THADA: variants seen among roughly 807,000 people sequenced by gnomAD.
THADA encodes THADA armadillo repeat containing, also known as tRNA (32-2'-O)-methyltransferase regulator THADA.
Under a neutral mutation model 219.8 loss-of-function variants are expected in THADA, and 213 were observed. The ratio of observed to expected loss-of-function variants is 0.97; its 90% CI spans 0.87 to 1.09. The LOEUF is 1.09. THADA is among the 50% of genes least tolerant of loss of function. The pLI, the probability that THADA is intolerant of heterozygous loss-of-function variation, is 0.00. For synonymous variants in THADA, 1,018 were observed against 828.9 expected, an observed-to-expected ratio of 1.23 and a Z score of -3.92; for missense variants, 2,956 against 2,311.3, an observed-to-expected ratio of 1.28 and a Z score of -5.72.
intron 21 of THADA, among the ~76,000 whole-genome samples, chr2:43,535,690 A>AG (rs1694496517): frequency 1.3e-5 from 2 of 151,442 alleles, no homozygotes; most frequent in African/African-American, 2.4e-5. Context: ...AAAAAAAAAA[A>AG]AAAAAAAAAA....
In THADA at chr2:43,560,468, A is replaced by C. The variant is rs1191501125; in HGVS notation, c.2312-83T>G. The C allele has an allele frequency of 5.7e-6, 6 of 1,047,708 alleles. No individual in the cohort carries two copies. The African/African-American group carries it at 6.6e-5, about 11-fold the overall frequency. The allele number at this position is 1,047,708 out of a possible 1,614,324, so 64.9% of individuals were successfully genotyped here. ...TGAAGTTATTTGACCAAATTTATAG[A>C]AAATAAGTACCAAAAAACCACACTT... On this transcript the variant is annotated intron_variant, in intron 15 of 37. Coordinates refer to ENST00000405975, the MANE Select transcript of THADA (RefSeq NM_022065.5).
chr2:43,293,168 G>A lies in THADA; in HGVS notation c.4484C>T (p.Ser1495Leu), dbSNP rs745407637. The change falls in exon 32 of 38, where the codon TCA becomes TTA. Residue 1495 changes from serine to leucine, a missense_variant. Ser to Leu is a moderately radical substitution (Grantham distance 145, BLOSUM62 -2). Transcript: ENST00000405975. ...GAATCCCGTTATCAGCTCTGATCCT[G>A]AGATAATCCCTCTGACTTCCTCCCA... The part of the protein sequence containing the change: ...GFWEEVRGII[S>L]GSELITGFPW... 5.0e-6 allele frequency: 8 copies of A among 1,613,692 alleles called. No homozygotes were observed. In the Admixed American group the frequency reaches 1.3e-4, roughly 27 times the overall value.
At chr2:43,552,626 G>A (rs563357367) in intron 17 of THADA, among the ~76,000 whole-genome samples, 21 of 152,066 alleles carry the variant, frequency 1.4e-4, no homozygotes, top group Non-Finnish European at 2.5e-4. Flanking sequence ...TGTGGCATGT[G>A]CTAATTGGAC....
chr2:43,376,185 T>A (rs1032179521), intron 29 of THADA, among the ~76,000 whole-genome samples: 5 of 152,234 alleles, frequency 3.3e-5, no homozygotes, highest in African/African-American at 1.2e-4. Context: ...TGTACATGGC[T>A]TCCCCTGTCT....
rs184648126 is a variant in THADA at position 43,556,107 on chromosome 2, G to C, written c.2674+238C>G. 23 of 930,836 alleles carry C rather than the reference G, an allele frequency of 2.5e-5. No homozygotes were observed. The East Asian group carries it at 9.7e-4, about 39-fold the overall frequency. The allele number at this position is 930,836 out of a possible 1,614,324, so 57.7% of individuals were successfully genotyped here. ...GAAAGAGGTCATTCTCATTTCAAAA[G>C]AGCTTTATTAATAAATATTTGTATA... On this transcript the variant is annotated intron_variant, in intron 17 of 37. Coordinates refer to ENST00000405975, the MANE Select transcript of THADA (RefSeq NM_022065.5).
chr2:43,264,966 C>A (rs1414776514), intron 36 of THADA, among the ~76,000 whole-genome samples: 1 of 152,226 alleles, frequency 6.6e-6, no homozygotes, highest in African/African-American at 2.4e-5. Context: ...GATGGAAGGG[C>A]GATGGGGACC....
chr2:43,476,333 G>A (rs1685544199), intron 26 of THADA, among the ~76,000 whole-genome samples: 1 of 152,200 alleles, frequency 6.6e-6, no homozygotes, highest in Non-Finnish European at 1.5e-5. Context: ...TGGAACTGAA[G>A]CCATCTTGCA....
chr2:43,248,765 C>A (rs1459318144), intron 36 of THADA, among the ~76,000 whole-genome samples: 2 of 152,158 alleles, frequency 1.3e-5, no homozygotes, highest in East Asian at 1.9e-4. Context: ...TTAGCCCTCA[C>A]TCAGAAGGAG....
At chr2:43,486,978 C>G (rs978228857) in intron 25 of THADA, among the ~76,000 whole-genome samples, 1 of 152,166 alleles carries the variant, frequency 6.6e-6, no homozygotes, top group African/African-American at 2.4e-5. Context: ...TAGAAGTGAA[C>G]TTTACAGATA....
chr2:43,546,327 T>C (rs1050760063), intron 20 of THADA, among the ~76,000 whole-genome samples: 1 of 152,156 alleles, frequency 6.6e-6, no homozygotes, highest in Non-Finnish European at 1.5e-5. Context: ...GGTGTGGTGC[T>C]GAAAAAAATG....
Position 43,232,186 on chromosome 2 carries a change from C to CT in THADA, c.5466+526dup, listed in dbSNP as rs1229853936. Among the ~76,000 whole-genome samples the CT allele has an allele frequency of 5.1e-3, 753 of 146,764 alleles. 5 individuals carry two copies. The highest frequency in any genetic ancestry group is 0.015 in the African/African-American group (612 of 40,140). On this transcript the variant is annotated intron_variant, in intron 37 of 37. Transcript: ENST00000405975. The stretch of plus-strand genomic sequence containing the variant: ...TTCTTTTTTTCTTTTCTTTTCTTTT[C>CT]TTTTTTTTTTGAGATGGAGTCTTGC...
chr2:43,577,983 G>A (rs1474353212), intron 9 of THADA, among the ~76,000 whole-genome samples: 32 of 152,036 alleles, frequency 2.1e-4, no homozygotes, highest in Admixed American at 2.0e-4. Flanking sequence ...AATGTTTATA[G>A]TGATTATCTT....
rs578202729 is a variant in THADA, at chr2:43,544,810, G to C, written c.3107-3494C>G. Among the ~76,000 whole-genome samples, 1,429 of 151,528 alleles carry C rather than the reference G, an allele frequency of 9.4e-3. 23 individuals carry two copies. Among genetic ancestry groups the C allele is most frequent in the African/African-American group, 0.033 (1,364 of 41,164 alleles). On this transcript the variant is annotated intron_variant, in intron 20 of 37. Transcript: ENST00000405975. ...TGGGGTTTTCTAGATATACAATCAT[G>C]TCATCTGCAAACAGGGACAATTTGA...
At chr2:43,280,601 T>C (rs1428840463) in intron 35 of THADA, among the ~76,000 whole-genome samples, 2 of 152,088 alleles carry the variant, frequency 1.3e-5, no homozygotes, top group Non-Finnish European at 2.9e-5. Context: ...CACTGCACTC[T>C]AGCCTGGCGA....
At chr2:43,540,170 G>A (rs778462854) in intron 21 of THADA, among the ~76,000 whole-genome samples, 31 of 152,226 alleles carry the variant, frequency 2.0e-4, no homozygotes, top group Non-Finnish European at 3.4e-4. Context: ...ACTACAGCCA[G>A]TCACCAGCAA....
chr2:43,551,644 C>T (rs1696757305), intron 19 of THADA, 145 bp downstream of exon 19: 2 of 675,970 alleles, frequency 3.0e-6, no homozygotes, highest in Non-Finnish European at 4.2e-6. Flanking sequence ...TGCTAAAAGG[C>T]AGAAATACCA....
intron 12 of THADA, among the ~76,000 whole-genome samples, chr2:43,572,128 T>TC (rs1699368477): frequency 6.6e-6 from 1 of 152,212 alleles, no homozygotes; most frequent in African/African-American, 2.4e-5. Flanking sequence ...CATTCCTTTT[T>TC]CTTTTTTTCC....
intron 36 of THADA, among the ~76,000 whole-genome samples, chr2:43,268,716 C>G (rs544967080): frequency 6.6e-6 from 1 of 152,208 alleles, no homozygotes; most frequent in Admixed American, 6.5e-5. Context: ...CTGGGCCCCA[C>G]CCCTGCCCTG....
rs1699654924 is a variant in THADA, at chr2:43,574,621, A to T, written c.1444T>A (p.Leu482Ile). 6.2e-6 allele frequency: 10 copies of T among 1,613,872 alleles called. No homozygotes were observed. Among genetic ancestry groups the T allele is most frequent in the Non-Finnish European group, 8.5e-6 (10 of 1,179,896 alleles). ...AIDKTIPSQI[L>I]EVMGDQSLVP... ...AATGACTGGTCTCCCATCACCTCTA[A>T]GATTTGAGATGGAATAGTTTTATCT... is the stretch of plus-strand genomic sequence containing the variant. Residue 482 changes from leucine to isoleucine, a missense_variant, in exon 11 of 38, where the codon TTA becomes ATA. By Grantham distance (5) the Leu-to-Ile change is conservative. Coordinates refer to ENST00000405975, the MANE Select transcript of THADA (RefSeq NM_022065.5).
Sources: allele counts gnomAD v4.1 joint callset (sites outside exome capture counted in the v4.1 genomes callset), GRCh38; gene constraint gnomAD v4.1.1; transcripts MANE v1.5; gene names NCBI Gene and HGNC (gene_info 2026-07-23, HGNC 2026-07-21).